The following LIMCH1 variants were observed in gnomAD, a reference collection of about 807,000 sequenced individuals.
LIMCH1 encodes the protein LIM and calponin homology domains-containing protein 1.
A neutral mutation model predicts 176.5 loss-of-function variants in LIMCH1; 113 were observed. That is an observed-to-expected ratio of 0.64 (90% CI 0.55 to 0.75). The LOEUF is 0.75. Ranked by LOEUF, LIMCH1 falls within the 30% of genes least tolerant of loss-of-function variation. LIMCH1 has a pLI of 0.00. For synonymous variants in LIMCH1, 619 were observed against 645.9 expected, an observed-to-expected ratio of 0.96 and a Z score of 0.63; for missense variants, 1,674 against 1,814.9, an observed-to-expected ratio of 0.92 and a Z score of 1.41.
At chr4:41,590,625 A>T (rs1584557457) in intron 1 of LIMCH1, among the ~76,000 whole-genome samples, 1 of 152,200 alleles carries the variant, frequency 6.6e-6, no homozygotes, top group Non-Finnish European at 1.5e-5. Flanking sequence ...CTCTTCTGTG[A>T]TCCGCTGTGC....
intron 1 of LIMCH1, among the ~76,000 whole-genome samples, chr4:41,559,131 G>C (rs1015481458): frequency 2.6e-5 from 4 of 152,136 alleles, no homozygotes; most frequent in African/African-American, 9.7e-5. Flanking sequence ...GGCAATTTAT[G>C]TTGTCTTTTA....
intron 1 of LIMCH1, among the ~76,000 whole-genome samples, chr4:41,399,873 G>A (rs1244734668): frequency 9.0e-5 from 12 of 134,026 alleles, no homozygotes; most frequent in African/African-American, 2.8e-4. Context: ...TAGTAGAGAT[G>A]GGGTTTCACC....
chr4:41,605,258 T>C (rs145925136), intron 3 of LIMCH1, among the ~76,000 whole-genome samples: 2 of 152,298 alleles, frequency 1.3e-5, no homozygotes, highest in East Asian at 3.9e-4. Context: ...TTGTCAAGGC[T>C]CAAAATTTCC....
chr4:41,587,053 C>T (rs1302208550), intron 1 of LIMCH1, among the ~76,000 whole-genome samples: 1 of 152,152 alleles, frequency 6.6e-6, no homozygotes, highest in Non-Finnish European at 1.5e-5. Flanking sequence ...TCTTTGGCAT[C>T]AAGACTGTTA....
intron 1 of LIMCH1, among the ~76,000 whole-genome samples, chr4:41,595,755 C>A (rs1256350143): frequency 6.6e-6 from 1 of 152,044 alleles, no homozygotes; most frequent in Non-Finnish European, 1.5e-5. Flanking sequence ...TTTTTTAAAG[C>A]CTTTTAAAAA....
At chr4:41,503,854 C>CT (rs1482892417) in intron 2 of LIMCH1, among the ~76,000 whole-genome samples, 3 of 152,162 alleles carry the variant, frequency 2.0e-5, no homozygotes, top group Non-Finnish European at 4.4e-5. Context: ...TCCTCCCAGC[C>CT]TTTTTACCTC....
chr4:41,482,317 G>A (rs2068789826), intron 1 of LIMCH1, among the ~76,000 whole-genome samples: 1 of 152,236 alleles, frequency 6.6e-6, no homozygotes, highest in African/African-American at 2.4e-5. Context: ...ACTACCCGGG[G>A]AAGGAGGTAG....
chr4:41,640,969 C>T (rs952985504), intron 14 of LIMCH1, among the ~76,000 whole-genome samples: 11 of 152,210 alleles, frequency 7.2e-5, no homozygotes, highest in Admixed American at 6.5e-4. Flanking sequence ...CTTTCCCTCC[C>T]AATACCTGGC....
chr4:41,520,726 A>T (rs1352509063), intron 2 of LIMCH1, among the ~76,000 whole-genome samples: 1 of 152,118 alleles, frequency 6.6e-6, no homozygotes, highest in Non-Finnish European at 1.5e-5. Context: ...ACATTTTAAA[A>T]TTTTCTTTAT....
chr4:41,622,615 G>C (rs1471951719), intron 7 of LIMCH1, among the ~76,000 whole-genome samples: 1 of 152,190 alleles, frequency 6.6e-6, no homozygotes, highest in Non-Finnish European at 1.5e-5. Context: ...TACACGTACT[G>C]TGCCACTTCA....
At chr4:41,665,175 C>T (rs1187797679) in intron 20 of LIMCH1, among the ~76,000 whole-genome samples, 1 of 152,214 alleles carries the variant, frequency 6.6e-6, no homozygotes, top group Non-Finnish European at 1.5e-5. Context: ...CCTGATTTCA[C>T]TTGAGAGTGT....
intron 1 of LIMCH1, among the ~76,000 whole-genome samples, chr4:41,449,272 T>G (rs909869596): frequency 1.3e-5 from 2 of 152,138 alleles, no homozygotes; most frequent in African/African-American, 4.8e-5. Flanking sequence ...ATCTTGACTT[T>G]CCCTCCACGT....
At chr4:41,602,426 G>A (rs1032257510) in intron 2 of LIMCH1, among the ~76,000 whole-genome samples, 2 of 152,134 alleles carry the variant, frequency 1.3e-5, no homozygotes, top group Non-Finnish European at 2.9e-5. Flanking sequence ...ATAATTTTTA[G>A]CACTGGGTTA....
intron 1 of LIMCH1, among the ~76,000 whole-genome samples, chr4:41,452,051 C>T (rs574835984): frequency 7.9e-5 from 12 of 152,316 alleles, no homozygotes; most frequent in East Asian, 5.8e-4. Context: ...TTAGTCCCCG[C>T]TTGGCTCTTC....
At chr4:41,679,965 C>A in intron 23 of LIMCH1, 41 bp from the exon 24 acceptor site, 2 of 1,365,944 alleles carry the variant, frequency 1.5e-6, no homozygotes, top group Non-Finnish European at 2.1e-6. Flanking sequence ...ATGACGTATG[C>A]AATGGTCAGT....
chr4:41,456,039 TTTTG>T (rs1377738049), intron 1 of LIMCH1, among the ~76,000 whole-genome samples: 12 of 152,102 alleles, frequency 7.9e-5, no homozygotes, highest in South Asian at 2.1e-4. Flanking sequence ...TGTTTGTTTG[TTTTG>T]TTTGTTTGTT....
At chr4:41,406,981 T>A (rs2059023885) in intron 1 of LIMCH1, among the ~76,000 whole-genome samples, 1 of 152,188 alleles carries the variant, frequency 6.6e-6, no homozygotes, top group South Asian at 2.1e-4. Context: ...ACGAGTGATC[T>A]CTGTGCTTCT....
At chr4:41,413,993 A>C (rs567738078) in intron 1 of LIMCH1, among the ~76,000 whole-genome samples, 8 of 152,352 alleles carry the variant, frequency 5.3e-5, no homozygotes, top group Admixed American at 2.0e-4. Context: ...AGAATGGGAA[A>C]TATCATTAGA....
At chr4:41,513,403 G>A (rs1349259843) in intron 2 of LIMCH1, among the ~76,000 whole-genome samples, 1 of 152,180 alleles carries the variant, frequency 6.6e-6, no homozygotes, top group Admixed American at 6.5e-5. Flanking sequence ...GCCCAGTAAA[G>A]GAGAATAATG....
Sources: allele counts gnomAD v4.1 joint callset (sites outside exome capture counted in the v4.1 genomes callset), GRCh38; gene constraint gnomAD v4.1.1; transcripts MANE v1.5; gene names NCBI Gene and HGNC (gene_info 2026-07-23, HGNC 2026-07-21).